Variants in LRP8 observed in about 807,000 individuals in gnomAD.
LRP8 encodes LDL receptor related protein 8, also known as low-density lipoprotein receptor-related protein 8.
A neutral mutation model predicts 111.6 loss-of-function variants in LRP8; 46 were observed. The ratio of observed to expected loss-of-function variants is 0.41; its 90% CI spans 0.33 to 0.53. The LOEUF is 0.53. Among genes scored for constraint, LRP8 ranks in the 20% least tolerant of loss-of-function variants. The pLI, the probability that LRP8 is intolerant of heterozygous loss-of-function variation, is 0.20. For missense variants in LRP8, 959 were observed against 1,297.4 expected, an observed-to-expected ratio of 0.74 and a Z score of 4.01; for synonymous variants, 464 against 511.2, an observed-to-expected ratio of 0.91 and a Z score of 1.24.
At chr1:53,256,887 C>T (rs1454944113) in intron 15 of LRP8, among the ~76,000 whole-genome samples, 1 of 152,224 alleles carries the variant, frequency 6.6e-6, no homozygotes, top group African/African-American at 2.4e-5. Context: ...CACACACCCT[C>T]GCAGAGTCAG....
At chr1:53,304,205 C>A (rs1336701887) in intron 2 of LRP8, among the ~76,000 whole-genome samples, 5 of 152,188 alleles carry the variant, frequency 3.3e-5, no homozygotes, top group Non-Finnish European at 7.4e-5. Flanking sequence ...GAAGAGAAAA[C>A]CCCCAAAGAG....
At chr1:53,280,359 C>T (rs1647066106) in intron 4 of LRP8, among the ~76,000 whole-genome samples, 2 of 152,216 alleles carry the variant, frequency 1.3e-5, no homozygotes, top group African/African-American at 2.4e-5. Context: ...CCTCAGTTTC[C>T]TCACCTATAA....
intron 16 of LRP8, among the ~76,000 whole-genome samples, chr1:53,253,910 A>T (rs1483014215): frequency 6.6e-6 from 1 of 152,140 alleles, no homozygotes; most frequent in Non-Finnish European, 1.5e-5. Flanking sequence ...ATCTACCTTA[A>T]AGGACTTTAT....
intron 16 of LRP8, among the ~76,000 whole-genome samples, chr1:53,251,896 G>A (rs1317259627): frequency 6.6e-6 from 1 of 151,876 alleles, no homozygotes; most frequent in Non-Finnish European, 1.5e-5. Flanking sequence ...ATACAAAGTA[G>A]TTGGGCATGG....
Position 53,262,298 on chromosome 1 carries a change from C to T in LRP8, c.1775-91G>A, listed in dbSNP as rs1254353451. 1.1e-5 allele frequency: 18 copies of T among 1,569,968 alleles called. No homozygotes were observed. The highest frequency in any genetic ancestry group is 1.5e-5 in the Non-Finnish European group (17 of 1,149,750). On this transcript the variant is annotated intron_variant, in intron 11 of 18. Transcript: ENST00000306052. This position sits in a 1 kb window ranked among gnomAD's most constrained non-coding sequence, Gnocchi z 4.8. The stretch of plus-strand genomic sequence containing the variant: ...CCTCTCCCTGCCCACATTTCTAGGC[C>T]TCACACTGAGGCCAGCCTACGGCAA...
At chr1:53,320,980 T>C (rs1188599910) in intron 2 of LRP8, among the ~76,000 whole-genome samples, 2 of 152,210 alleles carry the variant, frequency 1.3e-5, no homozygotes, top group Non-Finnish European at 2.9e-5. Context: ...AGCCTCAGTT[T>C]CATCATCTTC....
intron 5 of LRP8, 105 bp downstream of exon 5, chr1:53,276,587 T>C: frequency 1.2e-6 from 1 of 864,302 alleles, no homozygotes; most frequent in Non-Finnish European, 1.6e-6. Flanking sequence ...ACCCGGGTAA[T>C]GTATTCAGGT....
intron 4 of LRP8, among the ~76,000 whole-genome samples, chr1:53,277,465 T>C (rs1026302112): frequency 6.6e-6 from 1 of 152,182 alleles, no homozygotes; most frequent in Admixed American, 6.5e-5. Context: ...CCTCATAGCA[T>C]AGCGATGCAT....
chr1:53,326,563 G>T (rs1180074692), intron 2 of LRP8, among the ~76,000 whole-genome samples: 1 of 152,248 alleles, frequency 6.6e-6, no homozygotes, highest in Non-Finnish European at 1.5e-5. Flanking sequence ...CCTTTGCAGG[G>T]ACTGCCGCGT....
At chr1:53,309,437 G>A (rs962779416) in intron 2 of LRP8, among the ~76,000 whole-genome samples, 2 of 152,194 alleles carry the variant, frequency 1.3e-5, no homozygotes, top group Non-Finnish European at 2.9e-5. Context: ...AGACGCCCCT[G>A]TGCAGAAGAG....
At position 53,246,157 on chromosome 1, in the gene LRP8, CT is replaced by C. The variant is rs1470777519; in HGVS notation, c.*860del. On this transcript the variant is annotated 3_prime_UTR_variant, in exon 19 of 19. Transcript: ENST00000306052. Reference sequence around the variant, plus strand: ...AGGAGTCACAGCAGCCATGGGTGAGCTGAAAGGCTTTTCCTGACTTCCTGGG... The same window carrying C: ...AGGAGTCACAGCAGCCATGGGTGAGCGAAAGGCTTTTCCTGACTTCCTGGG... 1 of 152,174 alleles carries C rather than the reference CT, an allele frequency of 6.6e-6. No homozygotes were observed. The highest frequency in any genetic ancestry group is 1.5e-5 in the Non-Finnish European group (1 of 68,042). The allele number at this position is 152,174 out of a possible 1,614,324, so 9.4% of individuals were successfully genotyped here.
chr1:53,319,946 C>T (rs1654285851), intron 2 of LRP8, among the ~76,000 whole-genome samples: 1 of 152,280 alleles, frequency 6.6e-6, no homozygotes, highest in Non-Finnish European at 1.5e-5. Context: ...ATGCATATCT[C>T]CTTTCAGCTG....
intron 6 of LRP8, among the ~76,000 whole-genome samples, chr1:53,273,373 T>G (rs1370825160): frequency 6.6e-6 from 1 of 152,104 alleles, no homozygotes. Context: ...ATAGATACAT[T>G]CACACATACA....
rs1646884251 is a variant in LRP8, at chr1:53,275,320, A to G, written c.1006+311T>C. On this transcript the variant is annotated intron_variant, in intron 6 of 18. Coordinates refer to ENST00000306052, the MANE Select transcript of LRP8 (RefSeq NM_004631.5). The surrounding 1 kb of genome is among the most constrained non-coding windows in gnomAD (Gnocchi z 4.4). ...GGGGAGCAAGACTCAGCCTCTGCTC[A>G]GCCTGGGAACTAGTGAGGGAAGCCA... is the stretch of plus-strand genomic sequence containing the variant. Among the ~76,000 whole-genome samples the G allele has an allele frequency of 6.6e-6, 1 of 152,318 alleles. No homozygotes were observed. Among genetic ancestry groups the G allele is most frequent in the East Asian group, 1.9e-4 (1 of 5,174 alleles).
At chr1:53,286,214 C>A (rs1424970275) in intron 3 of LRP8, among the ~76,000 whole-genome samples, 1 of 152,162 alleles carries the variant, frequency 6.6e-6, no homozygotes, top group Non-Finnish European at 1.5e-5. Flanking sequence ...ACAGGAAGCA[C>A]AGCATGGGGC....
At chr1:53,268,560 T>TTATA (rs1646659178) in intron 8 of LRP8, 1 of 152,234 alleles carries the variant, frequency 6.6e-6, no homozygotes, top group South Asian at 2.1e-4. Flanking sequence ...ATGGCTGCTG[T>TTATA]ATTGTTATAA....
intron 8 of LRP8, among the ~76,000 whole-genome samples, chr1:53,269,851 T>A (rs1420324725): frequency 5.2e-4 from 79 of 152,358 alleles, no homozygotes; most frequent in African/African-American, 1.9e-3. Context: ...TGCATCTGTT[T>A]TGCTTACTGC....
intron 2 of LRP8, among the ~76,000 whole-genome samples, chr1:53,319,852 C>T (rs917991381): frequency 7.2e-5 from 11 of 152,214 alleles, no homozygotes; most frequent in African/African-American, 1.9e-4. Flanking sequence ...CAGGTGCTGG[C>T]AAAGAGGGAC....
chr1:53,290,458 A>G lies in LRP8; in HGVS notation c.245-769T>C, dbSNP rs188552757. 7.0e-4 allele frequency among the ~76,000 whole-genome samples: 106 copies of G among 152,342 alleles called. 1 individual carries two copies. Among genetic ancestry groups the G allele is most frequent in the Non-Finnish European group, 3.7e-4 (25 of 68,034 alleles). ...AAGAACCTGCAGCAGACTCAGGCAC[A>G]TGGCAGATGCTGGAGAAGTGGCAGC... On this transcript the variant is annotated intron_variant, in intron 2 of 18. Coordinates refer to ENST00000306052, the MANE Select transcript of LRP8 (RefSeq NM_004631.5).
Sources: allele counts gnomAD v4.1 joint callset (sites outside exome capture counted in the v4.1 genomes callset), GRCh38; gene constraint gnomAD v4.1.1; non-coding constraint Gnocchi (gnomAD v3.1); transcripts MANE v1.5; gene names NCBI Gene and HGNC (gene_info 2026-07-23, HGNC 2026-07-21).